Variants in SLC4A7 observed in about 807,000 individuals in gnomAD.
SLC4A7 encodes solute carrier family 4 member 7.
A neutral mutation model predicts 137.6 loss-of-function variants in SLC4A7; 51 were observed. The observed-to-expected ratio is 0.37, with a 90% confidence interval of 0.30 to 0.47. SLC4A7 has a LOEUF of 0.47. SLC4A7 is among the 20% of genes least tolerant of loss of function. SLC4A7 has a pLI of 1.00. For missense variants in SLC4A7, 1,247 were observed against 1,525.4 expected (o/e 0.82, Z 3.04); for synonymous variants, 542 against 518.6 (o/e 1.05, Z -0.61).
chr3:27,420,917 A>G (rs2054900435), intron 9 of SLC4A7, 130 bp from the exon 10 acceptor site: 3 of 548,468 alleles, frequency 5.5e-6, no homozygotes, highest in South Asian at 5.6e-5. Context: ...ACTCCCCCAC[A>G]CCAATCACTG....
intron 13 of SLC4A7, among the ~76,000 whole-genome samples, chr3:27,407,016 G>A (rs1288202664): frequency 6.6e-6 from 1 of 151,278 alleles, no homozygotes; most frequent in African/African-American, 2.4e-5. Context: ...GCAAGGAGAT[G>A]TCAAAAAAGA....
chr3:27,459,397 T>C lies in SLC4A7; in HGVS notation c.61-6899A>G, dbSNP rs573771923. On this transcript the variant is annotated intron_variant, in intron 1 of 25. Transcript: ENST00000454389. Reference sequence around the variant, plus strand: ...AATGGTGAAGTTAGTTTTAGTTTAATACATTATTTGATAAAATAAAAATAT... The same window carrying C: ...AATGGTGAAGTTAGTTTTAGTTTAACACATTATTTGATAAAATAAAAATAT... 7.3e-4 allele frequency among the ~76,000 whole-genome samples: 108 copies of C among 147,994 alleles called. 1 individual carries two copies. Among genetic ancestry groups the C allele is most frequent in the South Asian group, 4.1e-3 (19 of 4,648 alleles).
intron 1 of SLC4A7, among the ~76,000 whole-genome samples, chr3:27,454,336 G>T (rs2150572096): frequency 6.6e-6 from 1 of 152,004 alleles, no homozygotes. Flanking sequence ...CGTGGTAGCG[G>T]GCGCCTGTAA....
At chr3:27,379,609 G>C (rs535607048) in intron 24 of SLC4A7, among the ~76,000 whole-genome samples, 2 of 152,234 alleles carry the variant, frequency 1.3e-5, no homozygotes, top group South Asian at 2.1e-4. Flanking sequence ...TGGGGTTTCA[G>C]TAGTACTTCG....
chr3:27,433,836 C>T (rs1467046658), intron 6 of SLC4A7, 80 bp downstream of exon 6: 2 of 1,241,198 alleles, frequency 1.6e-6, no homozygotes, highest in Non-Finnish European at 2.3e-6. Flanking sequence ...TTTAAATATC[C>T]CCAAATGTTA....
At chr3:27,464,266 TAGA>T (rs2058854057) in intron 1 of SLC4A7, among the ~76,000 whole-genome samples, 1 of 152,378 alleles carries the variant, frequency 6.6e-6, no homozygotes, top group African/African-American at 2.4e-5. Context: ...ACACAAAATA[TAGA>T]AGGATATATA....
At chr3:27,418,429 C>A in intron 11 of SLC4A7, 57 bp downstream of exon 11, 3 of 1,461,118 alleles carry the variant, frequency 2.1e-6, no homozygotes, top group Non-Finnish European at 2.8e-6. Flanking sequence ...CACACCTAAT[C>A]AAAAAAAATT....
intron 22 of SLC4A7, among the ~76,000 whole-genome samples, chr3:27,389,340 CTAATTTAACTGTTTTTAGAAAAT>C (rs1318608366): frequency 6.6e-6 from 1 of 151,822 alleles, no homozygotes; most frequent in Non-Finnish European, 1.5e-5. Context: ...TTATTTATTT[CTAATTTAACTGTTTTTAGAAAAT>C]ACTACTTGAG....
chr3:27,456,700 CTTGT>C, intron 1 of SLC4A7: 1 of 1,610,924 alleles, frequency 6.2e-7, no homozygotes, highest in African/African-American at 1.3e-5. Flanking sequence ...ATAGAAATGC[CTTGT>C]TTCTGATGAT....
intron 11 of SLC4A7, among the ~76,000 whole-genome samples, chr3:27,412,117 A>G (rs922393207): frequency 6.6e-6 from 1 of 152,214 alleles, no homozygotes; most frequent in Non-Finnish European, 1.5e-5. Context: ...TGCTCCTATT[A>G]ACTATTGAAA....
rs189246214 is a variant in SLC4A7 at position 27,455,890 on chromosome 3, A to G, written c.61-3392T>C. On this transcript the variant is annotated intron_variant, in intron 1 of 25. Transcript: ENST00000454389. Reference sequence around the variant, plus strand: ...ACACAAAAAACAAAACCTAGTTCATAAATTTAAAAACCCAGCATCAACACA... The same window carrying G: ...ACACAAAAAACAAAACCTAGTTCATGAATTTAAAAACCCAGCATCAACACA... 2.6e-5 allele frequency among the ~76,000 whole-genome samples: 4 copies of G among 152,278 alleles called. No individual in the cohort carries two copies. In the East Asian group the frequency reaches 5.8e-4, roughly 22 times the overall value.
At chr3:27,451,633 G>T (rs1270039663) in intron 2 of SLC4A7, among the ~76,000 whole-genome samples, 1 of 152,084 alleles carries the variant, frequency 6.6e-6, no homozygotes, top group Non-Finnish European at 1.5e-5. Flanking sequence ...GAGGAGACTT[G>T]CAACTAAATG....
intron 5 of SLC4A7, among the ~76,000 whole-genome samples, chr3:27,435,101 C>G (rs1444007139): frequency 6.6e-6 from 1 of 152,118 alleles, no homozygotes; most frequent in Non-Finnish European, 1.5e-5. Context: ...TAACAGTAGG[C>G]TAAAATTGAA....
rs780715474 is a variant in SLC4A7 at position 27,434,088 on chromosome 3, G to A, written c.606C>T (p.Asn202=). 1.2e-6 allele frequency: 2 copies of A among 1,610,816 alleles called. No individual in the cohort carries two copies. The highest frequency in any genetic ancestry group is 1.7e-6 in the Non-Finnish European group (2 of 1,178,384). The change falls in exon 6 of 26, where the codon AAC becomes AAT. Residue 202 remains asparagine (N), a synonymous_variant. Coordinates refer to ENST00000454389, the MANE Select transcript of SLC4A7 (RefSeq NM_001321103.2). ...LDEIADMVLD[N]MIASGQLDES... is the part of the protein sequence containing the mutation. ...CGTCTAATTGGCCAGAAGCTATCAT[G>A]TTGTCTAATACCATATCTATTCAAT...
intron 1 of SLC4A7, among the ~76,000 whole-genome samples, chr3:27,472,273 T>C (rs372939836): frequency 6.6e-6 from 1 of 152,216 alleles, no homozygotes; most frequent in Non-Finnish European, 1.5e-5. Context: ...TGACAAGATA[T>C]TAAATTTTAA....
chr3:27,453,482 A>G (rs13099261), intron 1 of SLC4A7, among the ~76,000 whole-genome samples: 32,504 of 152,036 alleles, frequency 0.21, 3,557 homozygotes, highest in Non-Finnish European at 0.25. Flanking sequence ...GTGTGGTGGC[A>G]CGCGCCTGTA....
At chr3:27,416,494 T>C (rs2054396514) in intron 11 of SLC4A7, among the ~76,000 whole-genome samples, 1 of 152,198 alleles carries the variant, frequency 6.6e-6, no homozygotes, top group African/African-American at 2.4e-5. Context: ...TAAAGAAGAC[T>C]AGTACATACA....
At chr3:27,457,652 T>C (rs892330913) in intron 1 of SLC4A7, among the ~76,000 whole-genome samples, 1 of 152,206 alleles carries the variant, frequency 6.6e-6, no homozygotes, top group African/African-American at 2.4e-5. Flanking sequence ...TTGTCTACTA[T>C]GCACTTTGAA....
intron 7 of SLC4A7, chr3:27,428,434 T>C (rs1324149346): frequency 6.5e-6 from 1 of 154,224 alleles, no homozygotes; most frequent in Non-Finnish European, 1.5e-5. Flanking sequence ...ATGGCAGCCA[T>C]ACTACTATTA....
Sources: gnomAD v4.1 joint callset for allele counts (sites outside exome capture counted in the v4.1 genomes callset) on GRCh38, gnomAD v4.1.1 for gene constraint, MANE v1.5 for transcripts, NCBI Gene and HGNC (gene_info 2026-07-23, HGNC 2026-07-21) for gene names.